POLQ: variants seen among roughly 807,000 people sequenced by gnomAD.
POLQ encodes the protein epididymis secretory sperm binding protein.
In POLQ, 233 loss-of-function variants were observed where a neutral mutation model predicts 259.2. The observed-to-expected ratio is 0.90, with a 90% confidence interval of 0.81 to 1.00. POLQ has a LOEUF of 1.00. Ranked by LOEUF, POLQ falls within the 50% of genes least tolerant of loss-of-function variation. The pLI, the probability that POLQ is intolerant of heterozygous loss-of-function variation, is 0.00. For synonymous variants in POLQ, 1,025 were observed against 1,048.8 expected, an observed-to-expected ratio of 0.98 and a Z score of 0.44; for missense variants, 2,871 against 3,051.6, an observed-to-expected ratio of 0.94 and a Z score of 1.39.
Position 121,489,550 on chromosome 3 carries a change from T to C in POLQ, c.3381A>G (p.Thr1127=). The C allele has an allele frequency of 1.9e-6, 3 of 1,613,074 alleles. No homozygotes were observed. The highest frequency in any genetic ancestry group is 2.5e-6 in the Non-Finnish European group (3 of 1,179,678). Reference sequence around the variant, plus strand: ...GCTCCACAAAATTATCATTAGTTAGTGTTATGTTCCATGAACAATTTTGCT... The same window carrying C: ...GCTCCACAAAATTATCATTAGTTAGCGTTATGTTCCATGAACAATTTTGCT... ...QIKQNCSWNI[T]LTNDNFVEHI... The change falls in exon 16 of 30, where the codon ACA becomes ACG. Residue 1127 remains threonine, a synonymous_variant. Transcript: ENST00000264233.
intron 12 of POLQ, among the ~76,000 whole-genome samples, chr3:121,505,847 A>T (rs1466327214): frequency 1.5e-4 from 3 of 20,492 alleles, no homozygotes; most frequent in Non-Finnish European, 3.5e-4. Context: ...CATCTCTACT[A>T]AAAAAAAAAA....
chr3:121,518,980 T>C (rs1229343294), intron 9 of POLQ, among the ~76,000 whole-genome samples: 1 of 152,156 alleles, frequency 6.6e-6, no homozygotes, highest in Non-Finnish European at 1.5e-5. Context: ...TCTTCCTTAC[T>C]GCTTAAGACA....
Position 121,489,856 on chromosome 3 carries a change from CT to C in POLQ, c.3074del (p.Lys1025ArgfsTer4). The part of the protein sequence containing the change: ...VVQTFSQKTK[K>X]APLNFNSEKM... ...TTTCTGAATTGAAATTCAAAGGTGC[CT>C]TTTTTGTTTTCTGTGAAAAAGTCTG... is the stretch of plus-strand genomic sequence containing the variant. On this transcript the variant is annotated frameshift_variant, in exon 16 of 30. Transcript: ENST00000264233. LOFTEE classifies it high-confidence loss of function. 6.2e-7 allele frequency: 1 copy of C among 1,608,150 alleles called. No individual in the cohort carries two copies. Among genetic ancestry groups the C allele is most frequent in the Admixed American group, 1.7e-5 (1 of 58,402 alleles).
chr3:121,522,283 T>TC (rs2048342377), intron 7 of POLQ, 134 bp from the exon 8 acceptor site: 1 of 123,298 alleles, frequency 8.1e-6, no homozygotes, highest in African/African-American at 3.3e-5. Context: ...CCCCTGGAGA[T>TC]CTTTTTTTTT....
intron 8 of POLQ, 37 bp downstream of exon 8, chr3:121,521,966 T>C: frequency 1.4e-6 from 2 of 1,415,110 alleles, no homozygotes; most frequent in Non-Finnish European, 1.9e-6. Context: ...ATGAGGAATT[T>C]TGGAGGTTTC....
chr3:121,489,792 G>A lies in POLQ; in HGVS notation c.3139C>T (p.His1047Tyr). 1 of 1,612,710 alleles carries A rather than the reference G, an allele frequency of 6.2e-7. No homozygotes were observed. Among genetic ancestry groups the A allele is most frequent in the Non-Finnish European group, 8.5e-7 (1 of 1,179,810 alleles). The change falls in exon 16 of 30, where the codon CAT (histidine) becomes TAT (tyrosine). Residue 1047 changes from histidine (H) to tyrosine (Y), a missense_variant. Coordinates refer to ENST00000264233, the MANE Select transcript of POLQ (RefSeq NM_199420.4). The part of the protein sequence containing the change: ...RSFRSWKRRK[H>Y]LKRSRDSSPL... ...CTGCTGTCCCTAGATCGCTTTAGAT[G>A]CTTTCTACGTTTCCAAGATCGAAAA...
intron 12 of POLQ, among the ~76,000 whole-genome samples, chr3:121,506,003 CAA>C (rs1431355786): frequency 8.5e-6 from 1 of 117,320 alleles, no homozygotes; most frequent in Non-Finnish European, 1.7e-5. Flanking sequence ...GCCTGGGTGA[CAA>C]GAGCGAAACT....
chr3:121,447,994 A>C (rs1348109730), intron 26 of POLQ, among the ~76,000 whole-genome samples: 1 of 152,072 alleles, frequency 6.6e-6, no homozygotes, highest in Non-Finnish European at 1.5e-5. Context: ...TACATGTCTT[A>C]AGGCAGTCTT....
intron 7 of POLQ, among the ~76,000 whole-genome samples, chr3:121,529,212 A>G (rs200889132): frequency 3.7e-5 from 1 of 27,314 alleles, no homozygotes; most frequent in Non-Finnish European, 1.1e-4. Context: ...ATGTCATTCA[A>G]GGGTCAACTT....
Position 121,495,790 on chromosome 3 carries a change from A to G in POLQ, c.2278+1018T>C, listed in dbSNP as rs1010440138. Among the ~76,000 whole-genome samples, 5 of 143,068 alleles carry G rather than the reference A, an allele frequency of 3.5e-5. No homozygotes were observed. In the Admixed American group the frequency reaches 3.7e-4, roughly 11 times the overall value. 93.9% of individuals were successfully genotyped at this position (143,068 alleles called of 152,430 possible). Reference sequence around the variant, plus strand: ...CATTAACCTGGGAGGCAGAGCTTTCAGTGAGCCGAGATGGCGCCACTGCAC... The same window carrying G: ...CATTAACCTGGGAGGCAGAGCTTTCGGTGAGCCGAGATGGCGCCACTGCAC... On this transcript the variant is annotated intron_variant, in intron 14 of 29. Transcript: ENST00000264233.
chr3:121,446,443 T>A (rs936732681), intron 26 of POLQ, among the ~76,000 whole-genome samples: 4 of 152,212 alleles, frequency 2.6e-5, no homozygotes, highest in Non-Finnish European at 5.9e-5. Flanking sequence ...ATCTATTAGG[T>A]CCATTTGGTC....
chr3:121,506,251 A>T (rs567083789), intron 12 of POLQ, among the ~76,000 whole-genome samples: 2 of 150,004 alleles, frequency 1.3e-5, no homozygotes, highest in South Asian at 2.1e-4. Context: ...CCTAATATAT[A>T]AAAAAACCTT....
rs575200813 is a variant in POLQ, at chr3:121,539,777, G to A, written c.475-188C>T. On this transcript the variant is annotated intron_variant, in intron 3 of 29. Coordinates refer to ENST00000264233, the MANE Select transcript of POLQ (RefSeq NM_199420.4). ...TACTAAAAATATAAAGTTTAGAACTGACAAAACTGTTAAGAGTCAAATAAA... is the reference window on the plus strand; with the variant it reads ...TACTAAAAATATAAAGTTTAGAACTAACAAAACTGTTAAGAGTCAAATAAA... Among the ~76,000 whole-genome samples the A allele has an allele frequency of 3.3e-5, 5 of 152,246 alleles. No individual in the cohort carries two copies. In the South Asian group the frequency reaches 8.3e-4, roughly 25 times the overall value.
intron 9 of POLQ, among the ~76,000 whole-genome samples, chr3:121,512,691 T>C (rs999436594): frequency 2.0e-5 from 3 of 152,236 alleles, no homozygotes; most frequent in African/African-American, 7.2e-5. Context: ...CCTGTTAATC[T>C]GTCAATTTAA....
intron 12 of POLQ, among the ~76,000 whole-genome samples, chr3:121,505,066 T>C (rs767012510): frequency 3.9e-5 from 6 of 152,226 alleles, no homozygotes; most frequent in Non-Finnish European, 8.8e-5. Flanking sequence ...CCGTTTCTTA[T>C]GGTTTAACAC....
intron 9 of POLQ, among the ~76,000 whole-genome samples, chr3:121,519,451 G>A (rs934218728): frequency 2.0e-5 from 3 of 148,436 alleles, no homozygotes; most frequent in African/African-American, 7.4e-5. Context: ...CGAGGCAGGC[G>A]GATCACGAGG....
chr3:121,442,843 A>AT (rs1175687530), intron 26 of POLQ, among the ~76,000 whole-genome samples: 7 of 151,652 alleles, frequency 4.6e-5, no homozygotes, highest in East Asian at 1.9e-4. Flanking sequence ...TGATAGCTCT[A>AT]TTTTTAGTTT....
At chr3:121,449,229 T>C in intron 26 of POLQ, 86 bp downstream of exon 26, 1 of 714,832 alleles carries the variant, frequency 1.4e-6, no homozygotes, top group East Asian at 2.6e-5. Context: ...TAATTGATAT[T>C]TCAAAAGAAA....
intron 16 of POLQ, among the ~76,000 whole-genome samples, chr3:121,486,722 G>C (rs1275746834): frequency 1.3e-5 from 2 of 151,742 alleles, no homozygotes; most frequent in Non-Finnish European, 2.9e-5. Flanking sequence ...AAATTAGCTG[G>C]GCATGGTGCA....
Sources: allele counts gnomAD v4.1 joint callset (sites outside exome capture counted in the v4.1 genomes callset), GRCh38; gene constraint gnomAD v4.1.1; transcripts MANE v1.5; gene names NCBI Gene and HGNC (gene_info 2026-07-23, HGNC 2026-07-21).